MIPOL1: variants seen among roughly 807,000 people sequenced by gnomAD.
MIPOL1 encodes mirror-image polydactyly 1.
In MIPOL1, 57 loss-of-function variants were observed where a neutral mutation model predicts 60.9. The ratio of observed to expected loss-of-function variants is 0.94; its 90% CI spans 0.76 to 1.17. The LOEUF (loss-of-function observed/expected upper bound fraction) is 1.17. Ranked by LOEUF, MIPOL1 falls within the 50% of genes most tolerant of loss-of-function variation. MIPOL1 has a pLI of 0.00. For missense variants in MIPOL1, 551 were observed against 511.6 expected, an observed-to-expected ratio of 1.08 and a Z score of -0.74; for synonymous variants, 179 against 168.8, an observed-to-expected ratio of 1.06 and a Z score of -0.47.
intron 11 of MIPOL1, among the ~76,000 whole-genome samples, chr14:37,467,802 C>A (rs2094619839): frequency 6.6e-6 from 1 of 151,958 alleles, no homozygotes; most frequent in African/African-American, 2.4e-5. Context: ...TGCCTATAAT[C>A]CCAGCACTTT....
chr14:37,475,381 T>C (rs2094755324), intron 11 of MIPOL1, among the ~76,000 whole-genome samples: 1 of 152,214 alleles, frequency 6.6e-6, no homozygotes, highest in Non-Finnish European at 1.5e-5. Flanking sequence ...GTCTTTTCAT[T>C]CTCTTAACAG....
chr14:37,471,501 T>C (rs1243820892), intron 11 of MIPOL1, among the ~76,000 whole-genome samples: 1 of 152,184 alleles, frequency 6.6e-6, no homozygotes, highest in Non-Finnish European at 1.5e-5. Flanking sequence ...GGTGTCTTAT[T>C]AGAGAATGGG....
intron 10 of MIPOL1, among the ~76,000 whole-genome samples, chr14:37,417,970 C>G (rs1277212435): frequency 6.6e-6 from 1 of 152,108 alleles, no homozygotes; most frequent in Non-Finnish European, 1.5e-5. Flanking sequence ...ACAATTTCCT[C>G]CTCTATAAAA....
At chr14:37,375,460 C>T (rs750290624) in intron 10 of MIPOL1, among the ~76,000 whole-genome samples, 5 of 152,134 alleles carry the variant, frequency 3.3e-5, no homozygotes, top group Admixed American at 2.0e-4. Flanking sequence ...GCGGGGATTA[C>T]AGACATGAGC....
At chr14:37,268,954 TAAG>T (rs1196687914) in intron 5 of MIPOL1, among the ~76,000 whole-genome samples, 161 bp downstream of exon 5, 1 of 152,166 alleles carries the variant, frequency 6.6e-6, no homozygotes, top group Non-Finnish European at 1.5e-5. Flanking sequence ...ATGGTTGAGT[TAAG>T]GGGTTGAAAA....
chr14:37,414,096 G>A (rs1430901670), intron 10 of MIPOL1, among the ~76,000 whole-genome samples: 1 of 151,592 alleles, frequency 6.6e-6, no homozygotes, highest in Non-Finnish European at 1.5e-5. Context: ...TGTGAATAAA[G>A]GATTATTAAC....
intron 11 of MIPOL1, among the ~76,000 whole-genome samples, chr14:37,440,919 A>T (rs2094234070): frequency 6.6e-6 from 1 of 152,040 alleles, no homozygotes; most frequent in Non-Finnish European, 1.5e-5. Flanking sequence ...ATTCACCAAC[A>T]TGTTATTTTC....
chr14:37,302,920 T>G (rs2086443062), intron 7 of MIPOL1, among the ~76,000 whole-genome samples: 1 of 151,866 alleles, frequency 6.6e-6, no homozygotes, highest in African/African-American at 2.4e-5. Flanking sequence ...TTTTACAAAA[T>G]TTCAGTAATA....
chr14:37,296,390 A>G (rs953539559), intron 7 of MIPOL1, among the ~76,000 whole-genome samples: 1 of 152,362 alleles, frequency 6.6e-6, no homozygotes, highest in East Asian at 1.9e-4. Context: ...TCACAATTAA[A>G]AGAACTAGAG....
intron 9 of MIPOL1, among the ~76,000 whole-genome samples, chr14:37,368,020 G>A (rs939034233): frequency 2.0e-5 from 3 of 151,922 alleles, no homozygotes; most frequent in African/African-American, 7.3e-5. Flanking sequence ...AAATTTTCAA[G>A]TAAATTTTTA....
intron 3 of MIPOL1, among the ~76,000 whole-genome samples, chr14:37,264,880 C>A (rs1396089507): frequency 2.6e-5 from 4 of 152,148 alleles, no homozygotes; most frequent in Admixed American, 6.5e-5. Context: ...TTTCTTCTCT[C>A]CATTTTCTGC....
In MIPOL1 at chr14:37,258,319, A is replaced by G. The variant is rs189243874; in HGVS notation, c.20-8619A>G. On this transcript the variant is annotated intron_variant, in intron 3 of 12. Transcript: ENST00000684589. ...CAATTGGTATGTCTTCATTCTTAAC[A>G]AACAAAAAATACATAATTATTAAAC... 4.1e-3 allele frequency among the ~76,000 whole-genome samples: 631 copies of G among 152,228 alleles called. 7 individuals carry two copies. The highest frequency in any genetic ancestry group is 0.014 in the African/African-American group (596 of 41,546).
chr14:37,426,817 A>G (rs920798719), intron 11 of MIPOL1, among the ~76,000 whole-genome samples: 3 of 151,834 alleles, frequency 2.0e-5, no homozygotes, highest in African/African-American at 7.3e-5. Flanking sequence ...GAATGAAGAT[A>G]TATCATAAGA....
At chr14:37,541,151 C>A (rs894562451) in intron 12 of MIPOL1, among the ~76,000 whole-genome samples, 10 of 152,210 alleles carry the variant, frequency 6.6e-5, no homozygotes, top group Admixed American at 5.2e-4. Context: ...TCACTCAGAA[C>A]TTTTCTACAT....
At chr14:37,248,279 C>T (rs113686892) in intron 3 of MIPOL1, among the ~76,000 whole-genome samples, 1 of 151,818 alleles carries the variant, frequency 6.6e-6, no homozygotes, top group African/African-American at 2.4e-5. Flanking sequence ...AAAGAAAACA[C>T]ATAGAGAAGG....
chr14:37,356,664 G>A (rs1244464533), intron 9 of MIPOL1, among the ~76,000 whole-genome samples: 1 of 152,280 alleles, frequency 6.6e-6, no homozygotes, highest in African/African-American at 2.4e-5. Context: ...GGAGTGACCC[G>A]ATTTTCCAGG....
chr14:37,507,988 C>T (rs1050246641), intron 12 of MIPOL1, among the ~76,000 whole-genome samples: 8 of 152,016 alleles, frequency 5.3e-5, no homozygotes, highest in Non-Finnish European at 5.9e-5. Context: ...CATATTTGAT[C>T]CACTGTATTT....
In MIPOL1 at chr14:37,285,379, G is replaced by A. The variant is rs778761690; in HGVS notation, c.555G>A (p.Leu185=). ...GTGATGAAGCTGTTATGTCTAGACT[G>A]CAATTAGCCATTGAGGAGAGAGATG... ...KERDEAVMSR[L]QLAIEERDEA... Residue 185 remains leucine (L), a synonymous_variant, in exon 7 of 13, where the codon CTG becomes CTA. Coordinates refer to ENST00000684589, the MANE Select transcript of MIPOL1 (RefSeq NM_001388067.1). 2 of 1,613,976 alleles carry A rather than the reference G, an allele frequency of 1.2e-6. No individual in the cohort carries two copies. Among genetic ancestry groups the A allele is most frequent in the South Asian group, 2.2e-5 (2 of 91,072 alleles).
At chr14:37,530,699 T>G (rs1566782457) in intron 12 of MIPOL1, among the ~76,000 whole-genome samples, 1 of 152,190 alleles carries the variant, frequency 6.6e-6, no homozygotes, top group Non-Finnish European at 1.5e-5. Context: ...ACTCCTCTAC[T>G]GGGCAAACAG....
Sources: allele counts gnomAD v4.1 joint callset (sites outside exome capture counted in the v4.1 genomes callset), GRCh38; gene constraint gnomAD v4.1.1; transcripts MANE v1.5; gene names NCBI Gene and HGNC (gene_info 2026-07-23, HGNC 2026-07-21).